SCGN: variants seen among roughly 807,000 people sequenced by gnomAD.
The protein encoded by SCGN is secretagogin, EF-hand calcium binding protein.
Under a neutral mutation model 39.7 loss-of-function variants are expected in SCGN, and 30 were observed. The observed-to-expected ratio is 0.76, with a 90% CI of 0.57 to 1.03. The LOEUF (loss-of-function observed/expected upper bound fraction) is 1.03, where lower values mean the gene tolerates loss of function less well. Ranked by LOEUF, SCGN falls within the 50% of genes least tolerant of loss-of-function variation. The pLI, the probability that SCGN is intolerant of heterozygous loss-of-function variation, is 0.00. For missense variants in SCGN, 353 were observed against 349.4 expected, an observed-to-expected ratio of 1.01 and a Z score of -0.08; for synonymous variants, 106 against 114.1, an observed-to-expected ratio of 0.93 and a Z score of 0.45.
chr6:25,658,239 C>T (rs1760263739), intron 2 of SCGN, among the ~76,000 whole-genome samples: 1 of 151,376 alleles, frequency 6.6e-6, no homozygotes, highest in Admixed American at 6.6e-5. Context: ...CGGGGTTTCA[C>T]CATGTTAGCC....
intron 10 of SCGN, 90 bp from the exon 11 acceptor site, chr6:25,701,117 C>T (rs1759906242): frequency 4.2e-6 from 6 of 1,417,702 alleles, no homozygotes; most frequent in Non-Finnish European, 5.7e-6. Flanking sequence ...CAAGGCAGGA[C>T]ACCCTAAGCT....
At chr6:25,663,714 G>T (rs1265792780) in intron 3 of SCGN, among the ~76,000 whole-genome samples, 1 of 152,130 alleles carries the variant, frequency 6.6e-6, no homozygotes, top group Non-Finnish European at 1.5e-5. Context: ...TGATAAAAAG[G>T]GGATATTTAT....
intron 3 of SCGN, among the ~76,000 whole-genome samples, chr6:25,662,551 A>G (rs1760354739): frequency 6.6e-6 from 1 of 152,222 alleles, no homozygotes; most frequent in Non-Finnish European, 1.5e-5. Context: ...TGATGCTGTG[A>G]CACTGCCATA....
intron 8 of SCGN, 113 bp downstream of exon 8, chr6:25,689,330 A>G: frequency 8.7e-7 from 1 of 1,150,780 alleles, no homozygotes; most frequent in South Asian, 1.4e-5. Flanking sequence ...ACTTATTTAG[A>G]AAACAGACAA....
chr6:25,656,584 C>G (rs934111689), intron 2 of SCGN, among the ~76,000 whole-genome samples: 2 of 152,188 alleles, frequency 1.3e-5, no homozygotes, highest in Non-Finnish European at 2.9e-5. Context: ...GTACATACCC[C>G]TCACATACAG....
chr6:25,679,322 G>C (rs1759605827), intron 6 of SCGN, among the ~76,000 whole-genome samples: 3 of 152,194 alleles, frequency 2.0e-5, no homozygotes, highest in South Asian at 4.1e-4. Context: ...TTTTTGGTCA[G>C]AGCATGTTTG....
intron 10 of SCGN, 142 bp downstream of exon 10, chr6:25,691,266 C>T: frequency 8.5e-6 from 5 of 589,824 alleles, no homozygotes; most frequent in Non-Finnish European, 1.2e-5. Context: ...CTTTGAATTG[C>T]TATGAAACCC....
chr6:25,669,414 T>G, intron 4 of SCGN, 97 bp from the exon 5 acceptor site: 1 of 1,082,006 alleles, frequency 9.2e-7, no homozygotes, highest in Non-Finnish European at 1.4e-6. Context: ...TTCCATTCAG[T>G]TAAGTACTGT....
At chr6:25,691,570 G>A (rs997307257) in intron 10 of SCGN, among the ~76,000 whole-genome samples, 1 of 151,842 alleles carries the variant, frequency 6.6e-6, no homozygotes, top group Admixed American at 6.5e-5. Context: ...GTTATTTATC[G>A]GTTAAGACAT....
chr6:25,696,032 G>T (rs894879808), intron 10 of SCGN, among the ~76,000 whole-genome samples: 2 of 152,144 alleles, frequency 1.3e-5, no homozygotes, highest in Non-Finnish European at 2.9e-5. Flanking sequence ...CCTCCCTAAA[G>T]TTCTTTCTTT....
chr6:25,661,644 G>C lies in SCGN; in HGVS notation c.246G>C (p.Glu82Asp), dbSNP rs1302994078. The C allele has an allele frequency of 2.5e-6, 4 of 1,605,390 alleles. No homozygotes were observed. The highest frequency in any genetic ancestry group is 2.2e-5 in the South Asian group (2 of 90,778). Residue 82 changes from glutamate to aspartate, a missense_variant and splice_region_variant, in exon 3 of 11, where the codon GAG (glutamate) becomes GAC (aspartate). By Grantham distance (45) the Glu-to-Asp change is conservative. Transcript: ENST00000377961. ...AAGATGGTCGCATTCGGATGAAAGA[G>C]GTAACTTTACTGACAGTATTTTTCA... is the stretch of plus-strand genomic sequence containing the variant. Reference protein sequence around the residue: ...ASKDGRIRMKELAGMFLSEDE... With the variant: ...ASKDGRIRMKDLAGMFLSEDE...
At chr6:25,675,542 T>C (rs1759554073) in intron 6 of SCGN, among the ~76,000 whole-genome samples, 1 of 152,246 alleles carries the variant, frequency 6.6e-6, no homozygotes. Flanking sequence ...GCCCTGTCTT[T>C]TGGACGTGAG....
intron 7 of SCGN, among the ~76,000 whole-genome samples, chr6:25,684,506 C>T (rs536838961): frequency 2.6e-4 from 40 of 152,190 alleles, no homozygotes; most frequent in African/African-American, 9.4e-4. Flanking sequence ...AAGATGTCCA[C>T]GTCTTAGGCT....
chr6:25,695,687 C>T (rs1186535678), intron 10 of SCGN, among the ~76,000 whole-genome samples: 1 of 152,160 alleles, frequency 6.6e-6, no homozygotes, highest in Non-Finnish European at 1.5e-5. Context: ...CATGCCACCA[C>T]ACCCAGCTAA....
chr6:25,655,324 A>C (rs1004651558), intron 2 of SCGN, among the ~76,000 whole-genome samples: 2 of 152,202 alleles, frequency 1.3e-5, no homozygotes, highest in African/African-American at 4.8e-5. Context: ...ATATTCATTC[A>C]TCGAGTTGGG....
At chr6:25,672,584 G>A (rs1759514807) in intron 6 of SCGN, among the ~76,000 whole-genome samples, 1 of 152,170 alleles carries the variant, frequency 6.6e-6, no homozygotes, top group African/African-American at 2.4e-5. Context: ...TTAAGAACAG[G>A]GAGAAACCAG....
chr6:25,666,121 C>A (rs1247731685), intron 4 of SCGN, among the ~76,000 whole-genome samples: 1 of 150,362 alleles, frequency 6.7e-6, no homozygotes, highest in Non-Finnish European at 1.5e-5. Context: ...GGGCGAGTCA[C>A]CTGAGGTCAG....
At chr6:25,665,457 G>C (rs981026469) in intron 4 of SCGN, among the ~76,000 whole-genome samples, 1 of 152,158 alleles carries the variant, frequency 6.6e-6, no homozygotes, top group Non-Finnish European at 1.5e-5. Context: ...AGTTTTGAAG[G>C]CATGATGATA....
At chr6:25,666,115 G>A (rs903971883) in intron 4 of SCGN, among the ~76,000 whole-genome samples, 1 of 150,792 alleles carries the variant, frequency 6.6e-6, no homozygotes. Flanking sequence ...TGAGGTGGGC[G>A]AGTCACCTGA....
Sources: gnomAD v4.1 joint callset for allele counts (sites outside exome capture counted in the v4.1 genomes callset) on GRCh38, gnomAD v4.1.1 for gene constraint, MANE v1.5 for transcripts, NCBI Gene and HGNC (gene_info 2026-07-23, HGNC 2026-07-21) for gene names.